The following DNAH10 variants were observed in gnomAD, a reference collection of about 807,000 sequenced individuals.
DNAH10 encodes dynein axonemal heavy chain 10.
In DNAH10, 348 loss-of-function variants were observed where a neutral mutation model predicts 506.6. The observed-to-expected ratio is 0.69, with a 90% confidence interval of 0.63 to 0.75. The LOEUF is 0.75. Ranked by LOEUF, DNAH10 falls within the 30% of genes least tolerant of loss-of-function variation. The pLI is 0.00. For missense variants in DNAH10, 5,179 were observed against 5,787.1 expected, an observed-to-expected ratio of 0.89 and a Z score of 3.41; for synonymous variants, 2,059 against 2,198.6, an observed-to-expected ratio of 0.94 and a Z score of 1.78.
In DNAH10 at chr12:123,852,532, G is replaced by A. The variant is rs532647162; in HGVS notation, c.6292-674G>A. ...AGAGACCTGTGGGTTTTGAACCCTTGCCATAGATGAGGTGGCTGACTTGTC... is the reference window on the plus strand; with the variant it reads ...AGAGACCTGTGGGTTTTGAACCCTTACCATAGATGAGGTGGCTGACTTGTC... On this transcript the variant is annotated intron_variant, in intron 35 of 78. Coordinates refer to ENST00000673944, the MANE Select transcript of DNAH10 (RefSeq NM_001372106.1). Among the ~76,000 whole-genome samples the A allele has an allele frequency of 4.8e-4, 73 of 151,724 alleles. No individual in the cohort carries two copies. The South Asian group carries it at 0.015, about 31-fold the overall frequency.
chr12:123,789,727 G>A (rs996805489), intron 10 of DNAH10, among the ~76,000 whole-genome samples, 200 bp from the exon 11 acceptor site: 8 of 152,116 alleles, frequency 5.3e-5, no homozygotes, highest in Non-Finnish European at 1.0e-4. Context: ...GCTGCAATGT[G>A]GGGAGGAACA....
intron 35 of DNAH10, among the ~76,000 whole-genome samples, chr12:123,851,723 A>G (rs1239776785): frequency 6.6e-6 from 1 of 152,214 alleles, no homozygotes; most frequent in African/African-American, 2.4e-5. Context: ...GTTTTATCAC[A>G]TGTGGATGGG....
intron 21 of DNAH10, among the ~76,000 whole-genome samples, chr12:123,817,642 T>C (rs1427650690): frequency 1.3e-5 from 2 of 152,232 alleles, no homozygotes; most frequent in Non-Finnish European, 2.9e-5. Flanking sequence ...CTTATAACTC[T>C]GTCGTGATCA....
intron 62 of DNAH10, 34 bp downstream of exon 62, chr12:123,915,033 C>T: frequency 1.3e-6 from 2 of 1,575,470 alleles, no homozygotes; most frequent in Non-Finnish European, 1.7e-6. Context: ...TCTTCTGCCC[C>T]CTATTCCTGT....
chr12:123,805,925 C>T (rs923897541), intron 18 of DNAH10, among the ~76,000 whole-genome samples: 2 of 151,964 alleles, frequency 1.3e-5, no homozygotes, highest in African/African-American at 2.4e-5. Context: ...TACAGGCGCC[C>T]ACCACTACGC....
chr12:123,762,458 T>C lies in DNAH10; in HGVS notation c.122T>C (p.Leu41Ser). 2 of 1,494,298 alleles carry C rather than the reference T, an allele frequency of 1.3e-6. No individual in the cohort carries two copies. Among genetic ancestry groups the C allele is most frequent in the Non-Finnish European group, 1.8e-6 (2 of 1,118,434 alleles). The allele number at this position is 1,494,298 out of a possible 1,614,324, so 92.6% of individuals were successfully genotyped here. A position where few individuals can be genotyped will look rare whatever the true frequency, so the allele number is the denominator to read the frequency against. Residue 41 changes from leucine (L) to serine (S), a missense_variant, in exon 1 of 79, where the codon TTG becomes TCG. By Grantham distance (145) the Leu-to-Ser change is moderately radical. Coordinates refer to ENST00000673944, the MANE Select transcript of DNAH10 (RefSeq NM_001372106.1). This position sits in a 1 kb window ranked among gnomAD's most constrained non-coding sequence, Gnocchi z 5.0. ...RDDGQGEDLI[L>S]HFLNQASEEE... ...GACGGCCAGGGCGAGGACCTCATCT[T>C]GCACTTCCTCAACCAGGCGAGCGAG...
At chr12:123,836,569 C>T (rs1348850781) in intron 28 of DNAH10, among the ~76,000 whole-genome samples, 1 of 152,224 alleles carries the variant, frequency 6.6e-6, no homozygotes, top group African/African-American at 2.4e-5. Flanking sequence ...CCCAGCTCTC[C>T]TGCTCTCAAA....
intron 5 of DNAH10, among the ~76,000 whole-genome samples, chr12:123,776,055 A>G (rs182707726): frequency 6.6e-6 from 1 of 152,306 alleles, no homozygotes; most frequent in African/African-American, 2.4e-5. Context: ...TCATGAGAAC[A>G]GTGGCATGGG....
rs1951257350 is a variant in DNAH10, at chr12:123,853,524, G to A, written c.6438+172G>A. ...TGGCCTCTTACCTGTTGTATCGTTTGCTTGTAATTACACTTAGTACCTTAA... is the reference window on the plus strand; with the variant it reads ...TGGCCTCTTACCTGTTGTATCGTTTACTTGTAATTACACTTAGTACCTTAA... On this transcript the variant is annotated intron_variant, in intron 36 of 78. Transcript: ENST00000673944. The surrounding 1 kb of genome is among the most constrained non-coding windows in gnomAD (Gnocchi z 4.7). Among the ~76,000 whole-genome samples, 1 of 152,154 alleles carries A rather than the reference G, an allele frequency of 6.6e-6. No individual in the cohort carries two copies. The highest frequency in any genetic ancestry group is 2.4e-5 in the African/African-American group (1 of 41,440).
chr12:123,877,918 A>G lies in DNAH10; in HGVS notation c.8372+10A>G. 2 of 1,611,996 alleles carry G rather than the reference A, an allele frequency of 1.2e-6. No individual in the cohort carries two copies. Among genetic ancestry groups the G allele is most frequent in the Non-Finnish European group, 1.7e-6 (2 of 1,179,098 alleles). On this transcript the variant is annotated intron_variant, in intron 48 of 78. Coordinates refer to ENST00000673944, the MANE Select transcript of DNAH10 (RefSeq NM_001372106.1). The stretch of plus-strand genomic sequence containing the variant: ...TCACTAACCCGGAGCGGTGAGTTTG[A>G]TTTATCTTACTAAAATATGCCCCAC...
At chr12:123,811,919 G>A (rs1010603182) in intron 19 of DNAH10, among the ~76,000 whole-genome samples, 2 of 152,034 alleles carry the variant, frequency 1.3e-5, no homozygotes, top group South Asian at 4.2e-4. Context: ...TTACAGGTGC[G>A]AGCCAACGCG....
At chr12:123,897,645 T>TG (rs1373638808) in intron 54 of DNAH10, 125 bp from the exon 55 acceptor site, 1 of 968,406 alleles carries the variant, frequency 1.0e-6, no homozygotes, top group Non-Finnish European at 1.5e-6. Context: ...GGATCACCTG[T>TG]GCCCAGGAGA....
Position 123,848,867 on chromosome 12 carries a change from G to A in DNAH10, c.6087G>A (p.Gln2029=). 6.2e-7 allele frequency: 1 copy of A among 1,613,722 alleles called. No homozygotes were observed. Among genetic ancestry groups the A allele is most frequent in the Non-Finnish European group, 8.5e-7 (1 of 1,179,814 alleles). ...CGATCCGAAATGCTCTGATCCATCA[G>A]TTAACCACGTTCCAGGTGAGACACA... is the stretch of plus-strand genomic sequence containing the variant. The part of the protein sequence containing the change: ...IQTIRNALIH[Q]LTTFQFEGQE... The change falls in exon 34 of 79, where the codon CAG becomes CAA. Residue 2029 remains glutamine, a synonymous_variant. Transcript: ENST00000673944.
intron 57 of DNAH10, among the ~76,000 whole-genome samples, chr12:123,908,083 TCTGTCTCCTCCCTGTCTCC>T (rs1245510806): frequency 0.013 from 1,322 of 103,322 alleles, 39 homozygotes; most frequent in African/African-American, 0.027. Context: ...TCCCTGTCTC[TCTGTCTCCTCCCTGTCTCC>T]CTGTCTCCTC....
In DNAH10 at chr12:123,913,313, C is replaced by G. The variant is rs1442242664; in HGVS notation, c.10350C>G (p.Ile3450Met). Residue 3450 changes from isoleucine to methionine, a missense_variant and splice_region_variant, in exon 60 of 79, where the codon ATC (isoleucine) becomes ATG (methionine). By Grantham distance (10) the Ile-to-Met change is conservative (BLOSUM62 1). This residue lies in a region of DNAH10 where 4,844 missense variants were observed against 5,430.5 expected (regional missense o/e 0.89). Transcript: ENST00000673944. This position sits in a 1 kb window ranked among gnomAD's most constrained non-coding sequence, Gnocchi z 5.1. ...KLISGLGSENIRWLNDLDELM... is the reference protein window; with the variant it reads ...KLISGLGSENMRWLNDLDELM... ...TCTCGGGTCTGGGGTCAGAAAACAT[C>G]AGGTTAGCGCTGCTCACGAGCCCAC... 6.3e-7 allele frequency: 1 copy of G among 1,587,034 alleles called. No individual in the cohort carries two copies. Among genetic ancestry groups the G allele is most frequent in the Non-Finnish European group, 8.6e-7 (1 of 1,166,486 alleles).
intron 65 of DNAH10, among the ~76,000 whole-genome samples, chr12:123,921,574 T>C (rs547766769): frequency 4.3e-4 from 65 of 152,258 alleles, no homozygotes; most frequent in Admixed American, 3.7e-3. Flanking sequence ...TGCCAGTTCC[T>C]GAGCTTTTGA....
intron 48 of DNAH10, among the ~76,000 whole-genome samples, chr12:123,878,140 A>G (rs1348307636): frequency 6.6e-6 from 1 of 152,230 alleles, no homozygotes; most frequent in African/African-American, 2.4e-5. Flanking sequence ...GGACAAGCCT[A>G]TCACACCCCT....
intron 24 of DNAH10, among the ~76,000 whole-genome samples, chr12:123,824,355 G>T (rs1404574607): frequency 6.6e-6 from 1 of 152,148 alleles, no homozygotes; most frequent in Non-Finnish European, 1.5e-5. Flanking sequence ...TCTGCTGGAC[G>T]TTCCTGTGGT....
At chr12:123,871,721 G>A in intron 45 of DNAH10, 119 bp downstream of exon 45, 2 of 1,225,262 alleles carry the variant, frequency 1.6e-6, no homozygotes, top group South Asian at 1.5e-5. Context: ...ATGTGGGAGT[G>A]ACTTACCTGG....
Sources: allele counts gnomAD v4.1 joint callset (sites outside exome capture counted in the v4.1 genomes callset), GRCh38; gene constraint gnomAD v4.1.1; regional missense constraint gnomAD v4.1.1; non-coding constraint Gnocchi (gnomAD v3.1); transcripts MANE v1.5; gene names NCBI Gene and HGNC (gene_info 2026-07-23, HGNC 2026-07-21).